ADCY5: variants seen among roughly 807,000 people sequenced by gnomAD.
ADCY5 encodes adenylate cyclase 5.
Under a neutral mutation model 119.7 loss-of-function variants are expected in ADCY5, and 30 were observed. The observed-to-expected ratio is 0.25, with a 90% CI of 0.19 to 0.34. The LOEUF (loss-of-function observed/expected upper bound fraction) is 0.34. ADCY5 is among the 10% of genes least tolerant of loss of function. The pLI, the probability that ADCY5 is intolerant of heterozygous loss-of-function variation, is 1.00. For synonymous variants in ADCY5, 753 were observed against 762.2 expected, an observed-to-expected ratio of 0.99 and a Z score of 0.20; for missense variants, 1,324 against 1,775.2, an observed-to-expected ratio of 0.75 and a Z score of 4.57.
chr3:123,316,363 C>T (rs2108326604), intron 11 of ADCY5, among the ~76,000 whole-genome samples: 1 of 152,262 alleles, frequency 6.6e-6, no homozygotes, highest in Middle Eastern at 3.4e-3. Flanking sequence ...GACATGGGAT[C>T]CTGAACTGGC....
At chr3:123,385,377 G>T (rs527378106) in intron 1 of ADCY5, among the ~76,000 whole-genome samples, 9 of 152,296 alleles carry the variant, frequency 5.9e-5, no homozygotes, top group African/African-American at 1.9e-4. Flanking sequence ...AAGTAGAGGG[G>T]ATGGAGAAAG....
At chr3:123,407,732 C>T (rs1180651007) in intron 1 of ADCY5, among the ~76,000 whole-genome samples, 1 of 132,426 alleles carries the variant, frequency 7.6e-6, no homozygotes, top group Non-Finnish European at 1.6e-5. Context: ...TTCCACTGCA[C>T]TGCAGCCTGG....
chr3:123,448,161 GGGTGCT>G lies in ADCY5; in HGVS notation c.379_384del (p.Ser127_Thr128del). 9.2e-7 allele frequency: 1 copy of G among 1,088,352 alleles called. No individual in the cohort carries two copies. The highest frequency in any genetic ancestry group is 1.1e-6 in the Non-Finnish European group (1 of 899,906). 67.4% of individuals were successfully genotyped at this position (1,088,352 alleles called of 1,614,324 possible). Reference sequence around the variant, plus strand: ...CCGCCGCCGCCCGCAGGGGGCGCCCGGGTGCTGCCCCCGCTGGCCGCGCCCCGCCGC... The same window carrying G: ...CCGCCGCCGCCCGCAGGGGGCGCCCGGCCCCCGCTGGCCGCGCCCCGCCGC... On this transcript the variant is annotated inframe_deletion, in exon 1 of 21. Transcript: ENST00000462833.
intron 12 of ADCY5, among the ~76,000 whole-genome samples, chr3:123,307,425 T>C (rs2108284646): frequency 6.6e-6 from 1 of 152,332 alleles, no homozygotes; most frequent in African/African-American, 2.4e-5. Flanking sequence ...AAGTGCTCTG[T>C]AAGCTGTTAA....
intron 1 of ADCY5, among the ~76,000 whole-genome samples, chr3:123,418,588 A>C (rs1209572771): frequency 6.6e-6 from 1 of 152,154 alleles, no homozygotes; most frequent in Non-Finnish European, 1.5e-5. Context: ...CTCTCCCAGG[A>C]ACGAATCCAG....
At chr3:123,301,363 A>G (rs1194552190) in intron 14 of ADCY5, among the ~76,000 whole-genome samples, 1 of 152,156 alleles carries the variant, frequency 6.6e-6, no homozygotes, top group African/African-American at 2.4e-5. Context: ...TGTGGGGGGA[A>G]GCCTCACATC....
chr3:123,293,246 G>A (rs1939274998), intron 17 of ADCY5, among the ~76,000 whole-genome samples: 1 of 152,176 alleles, frequency 6.6e-6, no homozygotes, highest in African/African-American at 2.4e-5. Flanking sequence ...GCGGGTCAGA[G>A]TGTGTTCCTT....
At chr3:123,385,633 G>A (rs966759675) in intron 1 of ADCY5, among the ~76,000 whole-genome samples, 7 of 152,044 alleles carry the variant, frequency 4.6e-5, no homozygotes, top group Admixed American at 2.0e-4. Flanking sequence ...CCATCCAGCC[G>A]CAAGTTAGCT....
intron 1 of ADCY5, among the ~76,000 whole-genome samples, chr3:123,423,473 C>T (rs1464136801): frequency 3.9e-5 from 6 of 152,194 alleles, no homozygotes; most frequent in Admixed American, 2.0e-4. Flanking sequence ...GAGGACTGGG[C>T]AGCTTCTGCA....
chr3:123,414,853 C>T (rs571310428), intron 1 of ADCY5, among the ~76,000 whole-genome samples: 3 of 152,296 alleles, frequency 2.0e-5, no homozygotes, highest in Non-Finnish European at 2.9e-5. Flanking sequence ...CCACCCTGCC[C>T]GGCCCTGATG....
At chr3:123,419,795 C>G (rs191112217) in intron 1 of ADCY5, among the ~76,000 whole-genome samples, 1 of 152,276 alleles carries the variant, frequency 6.6e-6, no homozygotes, top group African/African-American at 2.4e-5. Flanking sequence ...GGCTCTCCCC[C>G]ATCCAGCTCT....
At chr3:123,335,647 G>A (rs1021218826) in intron 3 of ADCY5, among the ~76,000 whole-genome samples, 4 of 152,118 alleles carry the variant, frequency 2.6e-5, no homozygotes, top group Admixed American at 6.5e-5. Context: ...CTGTGGTACC[G>A]GACAGGTACA....
At chr3:123,399,512 A>AT (rs78904027) in intron 1 of ADCY5, among the ~76,000 whole-genome samples, 1,938 of 149,178 alleles carry the variant, frequency 0.013, 45 homozygotes, top group African/African-American at 0.044. Context: ...TCTTAGGCTT[A>AT]TTTTTTTTTT....
chr3:123,427,188 A>AGC (rs1445961889), intron 1 of ADCY5, among the ~76,000 whole-genome samples: 4 of 152,146 alleles, frequency 2.6e-5, no homozygotes, highest in Non-Finnish European at 5.9e-5. Flanking sequence ...GGACAAGGGC[A>AGC]GCAGCCAGCA....
At chr3:123,418,587 G>A (rs919605919) in intron 1 of ADCY5, among the ~76,000 whole-genome samples, 1 of 152,120 alleles carries the variant, frequency 6.6e-6, no homozygotes, top group Non-Finnish European at 1.5e-5. Context: ...ACTCTCCCAG[G>A]AACGAATCCA....
At chr3:123,436,394 T>C (rs1385034536) in intron 1 of ADCY5, among the ~76,000 whole-genome samples, 1 of 151,490 alleles carries the variant, frequency 6.6e-6, no homozygotes, top group East Asian at 2.0e-4. Context: ...TCAAAAACAG[T>C]AATTTGTCTT....
intron 3 of ADCY5, among the ~76,000 whole-genome samples, 173 bp from the exon 4 acceptor site, chr3:123,332,848 G>A (rs926705282): frequency 6.6e-6 from 1 of 151,494 alleles, no homozygotes; most frequent in Non-Finnish European, 1.5e-5. Flanking sequence ...TCGACTTCTT[G>A]GGCTCAGGGG....
intron 1 of ADCY5, among the ~76,000 whole-genome samples, chr3:123,437,813 G>A (rs1288010178): frequency 6.6e-6 from 1 of 152,150 alleles, no homozygotes; most frequent in African/African-American, 2.4e-5. Flanking sequence ...ACATTCAAGG[G>A]ACCCCAAGCC....
intron 17 of ADCY5, among the ~76,000 whole-genome samples, chr3:123,293,237 C>T (rs1396092029): frequency 1.3e-5 from 2 of 152,152 alleles, no homozygotes; most frequent in Admixed American, 1.3e-4. Context: ...AGGCGCTAGG[C>T]GGGTCAGAGT....
Sources: allele counts gnomAD v4.1 joint callset (sites outside exome capture counted in the v4.1 genomes callset), GRCh38; gene constraint gnomAD v4.1.1; transcripts MANE v1.5; gene names NCBI Gene and HGNC (gene_info 2026-07-23, HGNC 2026-07-21).